EXOC6B: variants seen among roughly 807,000 people sequenced by gnomAD.
The protein encoded by EXOC6B is SEC15 homolog B.
EXOC6B carries 54 observed loss-of-function variants against 113.5 expected under a neutral mutation model. The ratio of observed to expected loss-of-function variants is 0.48; its 90% CI spans 0.38 to 0.60. The LOEUF is 0.60. Ranked by LOEUF, EXOC6B falls within the 20% of genes least tolerant of loss-of-function variation. EXOC6B has a pLI of 0.00. For missense variants in EXOC6B, 797 were observed against 977.5 expected, an observed-to-expected ratio of 0.82 and a Z score of 2.46; for synonymous variants, 357 against 339.0, an observed-to-expected ratio of 1.05 and a Z score of -0.58.
In EXOC6B at chr2:72,475,365, C is replaced by A. The variant is rs368945131; in HGVS notation, c.1800+5251G>T. Among the ~76,000 whole-genome samples, 7 of 152,220 alleles carry A rather than the reference C, an allele frequency of 4.6e-5. No homozygotes were observed. The South Asian group carries it at 1.2e-3, about 27-fold the overall frequency. On this transcript the variant is annotated intron_variant, in intron 17 of 21. Coordinates refer to ENST00000272427, the MANE Select transcript of EXOC6B (RefSeq NM_015189.3). ...TCCTCTTAGTCCCAAGTGGTTCACA[C>A]GGGTATTGGTGTTGGTTGCATTCAG...
chr2:72,527,554 T>C (rs1041375130), intron 8 of EXOC6B, among the ~76,000 whole-genome samples: 1 of 151,990 alleles, frequency 6.6e-6, no homozygotes, highest in African/African-American at 2.4e-5. Flanking sequence ...TTTCATATCA[T>C]TTATTTTTAT....
chr2:72,455,251 T>C (rs141585267), intron 18 of EXOC6B, among the ~76,000 whole-genome samples: 107 of 152,300 alleles, frequency 7.0e-4, no homozygotes, highest in African/African-American at 2.5e-3. Flanking sequence ...GATGACAGAA[T>C]TTCCACATAA....
At position 72,702,058 on chromosome 2, in the gene EXOC6B, C is replaced by T. The variant is rs926289392; in HGVS notation, c.669+16045G>A. On this transcript the variant is annotated intron_variant, in intron 6 of 21. Transcript: ENST00000272427. ...CTAGTATTAGGTATATCTCCCGATG[C>T]TAACCCTCCCCCCTCCCACCACCCC... 4.2e-4 allele frequency among the ~76,000 whole-genome samples: 63 copies of T among 151,480 alleles called. 1 individual carries two copies. The highest frequency in any genetic ancestry group is 7.4e-4 in the Non-Finnish European group (50 of 67,972).
intron 9 of EXOC6B, among the ~76,000 whole-genome samples, 152 bp downstream of exon 9, chr2:72,514,891 T>C (rs189570969): frequency 6.6e-6 from 1 of 151,784 alleles, no homozygotes; most frequent in East Asian, 1.9e-4. Flanking sequence ...CAATAAATGT[T>C]TTCTTACTGC....
chr2:72,461,611 ACTC>A (rs1361272738), intron 18 of EXOC6B: 2 of 151,878 alleles, frequency 1.3e-5, no homozygotes, highest in Non-Finnish European at 2.9e-5. Context: ...ATTTATACCT[ACTC>A]CTCGCTATAC....
chr2:72,687,869 G>A (rs547405529), intron 6 of EXOC6B, among the ~76,000 whole-genome samples: 1 of 152,262 alleles, frequency 6.6e-6, no homozygotes, highest in Admixed American at 6.5e-5. Flanking sequence ...TCTGAAAACA[G>A]GGGATTAAGT....
At chr2:72,185,311 C>G (rs1678350485) in intron 20 of EXOC6B, among the ~76,000 whole-genome samples, 1 of 152,256 alleles carries the variant, frequency 6.6e-6, no homozygotes, top group South Asian at 2.1e-4. Flanking sequence ...ATGCCAGAGC[C>G]TGGGCTCTAG....
At chr2:72,506,731 C>T (rs982497726) in intron 11 of EXOC6B, among the ~76,000 whole-genome samples, 5 of 151,888 alleles carry the variant, frequency 3.3e-5, no homozygotes, top group South Asian at 2.1e-4. Context: ...TGCTAAAGAA[C>T]GGCCATTCTA....
chr2:72,516,977 A>G (rs933588168), intron 8 of EXOC6B, among the ~76,000 whole-genome samples: 2 of 152,240 alleles, frequency 1.3e-5, no homozygotes, highest in African/African-American at 4.8e-5. Context: ...TGAAAAATTG[A>G]AGAACTTTAT....
At chr2:72,403,854 C>T (rs140613722) in intron 18 of EXOC6B, among the ~76,000 whole-genome samples, 6 of 152,224 alleles carry the variant, frequency 3.9e-5, no homozygotes, top group East Asian at 3.9e-4. Context: ...GGGTGTCAGA[C>T]AGAGGGTGCA....
chr2:72,415,092 T>C (rs1694439398), intron 18 of EXOC6B, among the ~76,000 whole-genome samples: 1 of 152,204 alleles, frequency 6.6e-6, no homozygotes, highest in Non-Finnish European at 1.5e-5. Flanking sequence ...TAAATATTTT[T>C]CATTTAAGAA....
chr2:72,823,790 A>C (rs1050077289), intron 1 of EXOC6B, among the ~76,000 whole-genome samples: 3 of 152,172 alleles, frequency 2.0e-5, no homozygotes, highest in Non-Finnish European at 4.4e-5. Flanking sequence ...CAAAAAAAAA[A>C]AAGAAGGATG....
At chr2:72,497,121 TCAC>T (rs1323493870) in intron 13 of EXOC6B, among the ~76,000 whole-genome samples, 1 of 151,610 alleles carries the variant, frequency 6.6e-6, no homozygotes, top group African/African-American at 2.4e-5. Context: ...CTACAGTTGT[TCAC>T]CACCACATCG....
At chr2:72,623,138 A>G (rs1360614028) in intron 6 of EXOC6B, among the ~76,000 whole-genome samples, 1 of 152,114 alleles carries the variant, frequency 6.6e-6, no homozygotes, top group Admixed American at 6.5e-5. Context: ...GTATGGATAT[A>G]ATACTTTTCT....
rs563299251 is a variant in EXOC6B, at chr2:72,295,227, C to G, written c.2196+39720G>C. On this transcript the variant is annotated intron_variant, in intron 20 of 21. Transcript: ENST00000272427. The stretch of plus-strand genomic sequence containing the variant: ...GCCTGGCAATAGAGCAAGACTCCAT[C>G]TCAAAAAAAAAAAAAAAAAAAATAC... Among the ~76,000 whole-genome samples the G allele has an allele frequency of 1.7e-4, 19 of 112,558 alleles. No individual in the cohort carries two copies. The East Asian group carries it at 4.4e-3, about 26-fold the overall frequency. 73.8% of individuals were successfully genotyped at this position (112,558 alleles called of 152,430 possible).
intron 1 of EXOC6B, among the ~76,000 whole-genome samples, chr2:72,790,411 G>T (rs1229443836): frequency 1.3e-5 from 2 of 152,092 alleles, no homozygotes; most frequent in African/African-American, 4.8e-5. Context: ...CACTTCAACT[G>T]CAGGGAGAAT....
At chr2:72,749,219 G>C (rs942499556) in intron 1 of EXOC6B, among the ~76,000 whole-genome samples, 3 of 152,068 alleles carry the variant, frequency 2.0e-5, no homozygotes, top group African/African-American at 7.2e-5. Flanking sequence ...CTCTAACCTA[G>C]AAAACTGCTG....
intron 20 of EXOC6B, among the ~76,000 whole-genome samples, chr2:72,329,411 A>G (rs2104859054): frequency 6.6e-6 from 1 of 152,240 alleles, no homozygotes; most frequent in Admixed American, 6.5e-5. Context: ...GTTAGGGGAC[A>G]GTTTAGACTG....
rs746283208 is a variant in EXOC6B at position 72,184,194 on chromosome 2, A to G, written c.2197-7T>C. Reference sequence around the variant, plus strand: ...GGATGAAAAGATCCAAAAGCTGTAAAATATCCAAACCCCACCCCAGGGATT... The same window carrying G: ...GGATGAAAAGATCCAAAAGCTGTAAGATATCCAAACCCCACCCCAGGGATT... On this transcript the variant is annotated splice_polypyrimidine_tract_variant and splice_region_variant and intron_variant, in intron 20 of 21. Transcript: ENST00000272427. 6.6e-7 allele frequency: 1 copy of G among 1,505,546 alleles called. No individual in the cohort carries two copies. Among genetic ancestry groups the G allele is most frequent in the Non-Finnish European group, 9.1e-7 (1 of 1,104,650 alleles). The allele number at this position is 1,505,546 out of a possible 1,614,324, so 93.3% of individuals were successfully genotyped here.
Sources: allele counts gnomAD v4.1 joint callset (sites outside exome capture counted in the v4.1 genomes callset), GRCh38; gene constraint gnomAD v4.1.1; transcripts MANE v1.5; gene names NCBI Gene and HGNC (gene_info 2026-07-23, HGNC 2026-07-21).